Variants in ZFHX3 observed in about 807,000 individuals in gnomAD.
ZFHX3 encodes zinc finger homeobox 3.
A neutral mutation model predicts 279.1 loss-of-function variants in ZFHX3; 42 were observed. The observed-to-expected ratio is 0.15, with a 90% CI of 0.12 to 0.19. The LOEUF is 0.19. Ranked by LOEUF, ZFHX3 falls within the 10% of genes least tolerant of loss-of-function variation. The probability of loss-of-function intolerance (pLI) is 1.00; values close to 1 mark genes in which losing one functional copy is unlikely to be tolerated. For synonymous variants in ZFHX3, 2,293 were observed against 1,957.8 expected (o/e 1.17, Z -4.52); for missense variants, 4,981 against 4,754.0 (o/e 1.05, Z -1.40).
Position 72,785,748 on chromosome 16 carries a change from A to G in ZFHX3, c.*1416T>C, listed in dbSNP as rs942925898. The stretch of plus-strand genomic sequence containing the variant: ...CACAGCCAATTACACAAATGGAAAC[A>G]AATCCTTTAGTATAGAAAAAAAAAG... On this transcript the variant is annotated 3_prime_UTR_variant, in exon 10 of 10. Coordinates refer to ENST00000268489, the MANE Select transcript of ZFHX3 (RefSeq NM_006885.4). 2 of 150,780 alleles carry G rather than the reference A, an allele frequency of 1.3e-5. No individual in the cohort carries two copies. Among genetic ancestry groups the G allele is most frequent in the Non-Finnish European group, 3.0e-5 (2 of 67,320 alleles). 9.3% of individuals were successfully genotyped at this position (150,780 alleles called of 1,614,324 possible).
chr16:72,809,863 C>T (rs1039668356), intron 7 of ZFHX3: 11 of 149,710 alleles, frequency 7.3e-5, no homozygotes, highest in African/African-American at 2.5e-4. Flanking sequence ...GGTTTTTCCT[C>T]TAATGATCAG....
intron 2 of ZFHX3, among the ~76,000 whole-genome samples, chr16:73,510,825 A>AC (rs2019415940): frequency 6.6e-6 from 1 of 152,210 alleles, no homozygotes; most frequent in Non-Finnish European, 1.5e-5. Context: ...CCCTAAGTCC[A>AC]CACCTTAGGG....
At chr16:73,202,319 ATC>A (rs2011632972) in intron 5 of ZFHX3, among the ~76,000 whole-genome samples, 1 of 152,226 alleles carries the variant, frequency 6.6e-6, no homozygotes, top group African/African-American at 2.4e-5. Flanking sequence ...TTTCCTAACC[ATC>A]TCTTTCTGAA....
intron 5 of ZFHX3, among the ~76,000 whole-genome samples, chr16:73,254,731 T>G (rs1380678640): frequency 6.6e-6 from 1 of 152,150 alleles, no homozygotes; most frequent in African/African-American, 2.4e-5. Flanking sequence ...GAAATATTGA[T>G]CTCATCTTCA....
At chr16:73,508,018 G>C (rs2019358575) in intron 2 of ZFHX3, among the ~76,000 whole-genome samples, 1 of 152,174 alleles carries the variant, frequency 6.6e-6, no homozygotes, top group South Asian at 2.1e-4. Flanking sequence ...GCTTAAGATT[G>C]ATACACGGTA....
chr16:72,938,764 C>T (rs970712621), intron 3 of ZFHX3, among the ~76,000 whole-genome samples: 4 of 152,170 alleles, frequency 2.6e-5, no homozygotes, highest in African/African-American at 4.8e-5. Context: ...CACAAAGAGA[C>T]GGGACAGAGG....
upstream of ZFHX3, among the ~76,000 whole-genome samples, chr16:73,051,455 T>C (rs1597136960): frequency 6.6e-6 from 1 of 152,204 alleles, no homozygotes; most frequent in South Asian, 2.1e-4. Flanking sequence ...TCATAACCAT[T>C]GGAAGCTGGT....
At chr16:73,396,168 C>T (rs57879611) in intron 3 of ZFHX3, among the ~76,000 whole-genome samples, 5 of 152,286 alleles carry the variant, frequency 3.3e-5, no homozygotes, top group East Asian at 1.9e-4. Flanking sequence ...GTTAGCCTCC[C>T]GGCGGGCATC....
rs1487121743 is a variant in ZFHX3 at position 73,070,936 on chromosome 16, GCGCACACACACACACA to G, written c.-532-11940_-532-11925del. The stretch of plus-strand genomic sequence containing the variant: ...GTCTTGCGCGCGCGCGCGCGCGCGC[GCGCACACACACACACA>G]CACACACACACACACACACATCTGG... On this transcript the variant is annotated intron_variant, in intron 8 of 17. Coordinates refer to the ZFHX3 transcript ENST00000641206. 9.0e-4 allele frequency among the ~76,000 whole-genome samples: 9 copies of G among 9,976 alleles called. No individual in the cohort carries two copies. The Admixed American group carries it at 0.016, about 17-fold the overall frequency. 6.5% of individuals were successfully genotyped at this position (9,976 alleles called of 152,430 possible). A position where few individuals can be genotyped will look rare whatever the true frequency, so the allele number is the denominator to read the frequency against.
rs1264160798 is a variant in ZFHX3 at position 72,783,531 on chromosome 16, TTTA to T, written c.*3630_*3632del. ...TTTAAACACATGCCGTCTGTTTTACTTTATTTTCAATTGTGTAAAACTTTGGCC... is the reference window on the plus strand; with the variant it reads ...TTTAAACACATGCCGTCTGTTTTACTTTTTCAATTGTGTAAAACTTTGGCC... On this transcript the variant is annotated 3_prime_UTR_variant, in exon 10 of 10. Coordinates refer to ENST00000268489, the MANE Select transcript of ZFHX3 (RefSeq NM_006885.4). The T allele has an allele frequency of 6.6e-6, 1 of 152,590 alleles. No individual in the cohort carries two copies. Among genetic ancestry groups the T allele is most frequent in the African/African-American group, 2.4e-5 (1 of 41,426 alleles). The allele number at this position is 152,590 out of a possible 1,614,324, so 9.5% of individuals were successfully genotyped here.
chr16:73,831,519 C>G (rs139581520), intron 1 of ZFHX3, among the ~76,000 whole-genome samples: 2 of 152,196 alleles, frequency 1.3e-5, no homozygotes, highest in African/African-American at 4.8e-5. Context: ...ATCTACACGA[C>G]GCCTATTAAC....
intron 5 of ZFHX3, among the ~76,000 whole-genome samples, chr16:73,173,000 TTTTTTTTG>T (rs1171365656): frequency 0.049 from 3,582 of 73,230 alleles, 287 homozygotes; most frequent in East Asian, 0.061. Context: ...TTTTTTGTTT[TTTTTTTTG>T]TTTTTTTTTT....
At chr16:72,897,215 G>A (rs2038921681) in intron 3 of ZFHX3, among the ~76,000 whole-genome samples, 1 of 152,186 alleles carries the variant, frequency 6.6e-6, no homozygotes, top group African/African-American at 2.4e-5. Flanking sequence ...CCTGTCCAGG[G>A]AAAGACAGCA....
At chr16:73,028,435 C>T (rs1397726149) in intron 1 of ZFHX3, among the ~76,000 whole-genome samples, 1 of 152,128 alleles carries the variant, frequency 6.6e-6, no homozygotes, top group East Asian at 1.9e-4. Context: ...GAACAGGGCT[C>T]CAGAGCCCGG....
chr16:73,170,874 C>T (rs2144866479), intron 5 of ZFHX3, among the ~76,000 whole-genome samples: 1 of 152,246 alleles, frequency 6.6e-6, no homozygotes, highest in South Asian at 2.1e-4. Flanking sequence ...CTCATGTGCC[C>T]CAGCTGTCCC....
intron 3 of ZFHX3, among the ~76,000 whole-genome samples, chr16:72,932,798 A>T (rs1567590989): frequency 6.6e-6 from 1 of 152,244 alleles, no homozygotes; most frequent in Non-Finnish European, 1.5e-5. Flanking sequence ...AATGCAGAAA[A>T]GCAGAGTCCT....
intron 3 of ZFHX3, among the ~76,000 whole-genome samples, chr16:73,378,030 C>CAAAAAAAAAAAAAAAAAAAAAAA (rs71156159): frequency 5.6e-5 from 3 of 53,840 alleles, no homozygotes; most frequent in Admixed American, 2.8e-4. Flanking sequence ...GACTCTGTCT[C>CAAAAAAAAAAAAAAAAAAAAAAA]AAAAAAAAAA....
chr16:73,626,764 G>A (rs1281105705), intron 2 of ZFHX3, among the ~76,000 whole-genome samples: 1 of 152,122 alleles, frequency 6.6e-6, no homozygotes, highest in Non-Finnish European at 1.5e-5. Flanking sequence ...CACTGACTCT[G>A]CACTCCTTAA....
At chr16:73,784,812 T>TACAC (rs1226571839) in intron 1 of ZFHX3, among the ~76,000 whole-genome samples, 1 of 136,382 alleles carries the variant, frequency 7.3e-6, no homozygotes, top group African/African-American at 2.8e-5. Context: ...TATATATATA[T>TACAC]ATATACACAC....
Sources: gnomAD v4.1 joint callset for allele counts (sites outside exome capture counted in the v4.1 genomes callset) on GRCh38, gnomAD v4.1.1 for gene constraint, MANE v1.5 for transcripts, NCBI Gene and HGNC (gene_info 2026-07-23, HGNC 2026-07-21) for gene names.